CEP192: variants seen among roughly 807,000 people sequenced by gnomAD.
CEP192 encodes the protein centrosomal protein of 192 kDa.
Under a neutral mutation model 271.8 loss-of-function variants are expected in CEP192, and 151 were observed. The ratio of observed to expected loss-of-function variants is 0.56; its 90% CI spans 0.49 to 0.64. CEP192 has a LOEUF of 0.64. CEP192 is among the 30% of genes least tolerant of loss of function. The pLI, the probability that CEP192 is intolerant of heterozygous loss-of-function variation, is 0.00. For synonymous variants in CEP192, 995 were observed against 1,076.5 expected (o/e 0.92, Z 1.48); for missense variants, 2,910 against 3,020.5 (o/e 0.96, Z 0.86).
Position 13,056,593 on chromosome 18 carries a change from A to G in CEP192, c.4003A>G (p.Thr1335Ala). ...TTCCCTCTGTAACCCATATTCTAAT[A>G]CCTTAAATCAGAACCTGCTAAGCAC... ...TSSLCNPYSN[T>A]LNQNLLSTTK... Residue 1335 changes from threonine to alanine, a missense_variant, in exon 19 of 45, where the codon ACC becomes GCC. By Grantham distance (58) the Thr-to-Ala change is moderately conservative. Coordinates refer to ENST00000506447, the MANE Select transcript of CEP192 (RefSeq NM_032142.4). 6.2e-7 allele frequency: 1 copy of G among 1,614,108 alleles called. No individual in the cohort carries two copies. Among genetic ancestry groups the G allele is most frequent in the Non-Finnish European group, 8.5e-7 (1 of 1,179,998 alleles).
chr18:13,100,452 A>G lies in CEP192; in HGVS notation c.6811A>G (p.Lys2271Glu), dbSNP rs3737379. Residue 2271 changes from lysine (K) to glutamate (E), a missense_variant, in exon 38 of 45, where the codon AAA (lysine) becomes GAA (glutamate). Physicochemically the swap from Lys to Glu is moderately conservative, Grantham distance 56 (BLOSUM62 1). Transcript: ENST00000506447. ...VKPMTKPPSTKVEIRNKSITF... is the reference protein window; with the variant it reads ...VKPMTKPPSTEVEIRNKSITF... ...ACCAATGACAAAACCGCCTTCCACA[A>G]AAGTTGAAATAAGAAACAAGAGTAT... is the stretch of plus-strand genomic sequence containing the variant. The G allele has an allele frequency of 0.042, 68,343 of 1,613,832 alleles. 2,229 individuals carry two copies. Among genetic ancestry groups the G allele is most frequent in the East Asian group, 0.18 (8,041 of 44,872 alleles).
intron 9 of CEP192, among the ~76,000 whole-genome samples, chr18:13,029,235 T>C (rs2035477622): frequency 6.6e-6 from 1 of 152,274 alleles, no homozygotes; most frequent in African/African-American, 2.4e-5. Flanking sequence ...ATTTGTAGTA[T>C]AAACTGCCTT....
chr18:13,096,154 A>C (rs2039387817), intron 35 of CEP192, 30 bp from the exon 36 acceptor site: 1 of 1,608,510 alleles, frequency 6.2e-7, no homozygotes, highest in African/African-American at 1.3e-5. Context: ...TGTTAAATGT[A>C]AGTCACATTT....
intron 15 of CEP192, among the ~76,000 whole-genome samples, chr18:13,043,368 G>A (rs1031168407): frequency 1.3e-5 from 2 of 152,040 alleles, no homozygotes; most frequent in Non-Finnish European, 2.9e-5. Flanking sequence ...TGTTGATTAG[G>A]CCATGCTTTC....
intron 30 of CEP192, among the ~76,000 whole-genome samples, chr18:13,078,104 G>A (rs1012817257): frequency 3.3e-5 from 5 of 152,064 alleles, no homozygotes; most frequent in African/African-American, 1.2e-4. Flanking sequence ...CCCCCTGACA[G>A]GCCCCAGTGT....
In CEP192 at chr18:13,018,629, T is replaced by A. The variant is rs2034802329; in HGVS notation, c.925+14T>A. ...TACCTGGGACTAGTAAGTATAGAAA[T>A]ATGATTCTTTTGTTCTTAAGTTCTA... On this transcript the variant is annotated intron_variant, in intron 8 of 44. Coordinates refer to ENST00000506447, the MANE Select transcript of CEP192 (RefSeq NM_032142.4). 6.9e-7 allele frequency: 1 copy of A among 1,454,942 alleles called. No individual in the cohort carries two copies. The highest frequency in any genetic ancestry group is 1.4e-5 in the African/African-American group (1 of 69,012). The allele number at this position is 1,454,942 out of a possible 1,614,324, so 90.1% of individuals were successfully genotyped here.
intron 15 of CEP192, among the ~76,000 whole-genome samples, chr18:13,042,694 A>G (rs929195250): frequency 2.6e-5 from 4 of 152,114 alleles, no homozygotes; most frequent in African/African-American, 7.3e-5. Context: ...TCTAAACTTC[A>G]CTTAAAAGAA....
intron 30 of CEP192, among the ~76,000 whole-genome samples, 186 bp downstream of exon 30, chr18:13,073,371 G>T (rs539742678): frequency 1.3e-5 from 2 of 152,146 alleles, no homozygotes; most frequent in African/African-American, 4.8e-5. Context: ...AGCAGCCAGC[G>T]TAGTATTCCT....
rs980498364 is a variant in CEP192, at chr18:13,013,044, G to A, written c.519+19G>A. The stretch of plus-strand genomic sequence containing the variant: ...ACCCAAGGTAACCTTTTATATATTT[G>A]GTATCATTTTCTGGAGTACTATAGG... On this transcript the variant is annotated intron_variant, in intron 5 of 44. Coordinates refer to ENST00000506447, the MANE Select transcript of CEP192 (RefSeq NM_032142.4). The A allele has an allele frequency of 7.6e-7, 1 of 1,317,476 alleles. No individual in the cohort carries two copies. Among genetic ancestry groups the A allele is most frequent in the Non-Finnish European group, 1.1e-6 (1 of 941,136 alleles). 81.6% of individuals were successfully genotyped at this position (1,317,476 alleles called of 1,614,324 possible). A position where few individuals can be genotyped will look rare whatever the true frequency, so the allele number is the denominator to read the frequency against.
chr18:13,072,909 G>C (rs1265242238), intron 29 of CEP192, 64 bp downstream of exon 29: 4 of 1,534,688 alleles, frequency 2.6e-6, no homozygotes, highest in Non-Finnish European at 3.6e-6. Flanking sequence ...TGCATATGCA[G>C]ACCTTTTTGT....
chr18:12,998,035 T>C (rs1024483929), intron 1 of CEP192, among the ~76,000 whole-genome samples: 2 of 152,190 alleles, frequency 1.3e-5, no homozygotes, highest in Non-Finnish European at 2.9e-5. Flanking sequence ...TCATAATCTC[T>C]TTAGTGGTCA....
At chr18:13,046,332 A>T (rs531093372) in intron 15 of CEP192, among the ~76,000 whole-genome samples, 1 of 152,264 alleles carries the variant, frequency 6.6e-6, no homozygotes, top group South Asian at 2.1e-4. Context: ...CACCTCCAAC[A>T]CTGGGGATTA....
chr18:13,049,740 A>G, intron 16 of CEP192, 25 bp from the exon 17 acceptor site: 1 of 1,605,642 alleles, frequency 6.2e-7, no homozygotes, highest in Non-Finnish European at 8.5e-7. Context: ...TTCTCTTCTT[A>G]CTGGAAAATA....
At chr18:13,031,493 C>T (rs1321375311) in intron 11 of CEP192, among the ~76,000 whole-genome samples, 11 of 152,088 alleles carry the variant, frequency 7.2e-5, no homozygotes, top group East Asian at 3.9e-4. Context: ...GTGATCTGCC[C>T]GCCTCGGCCT....
intron 1 of CEP192, among the ~76,000 whole-genome samples, chr18:12,998,154 G>A (rs908617193): frequency 6.6e-6 from 1 of 152,112 alleles, no homozygotes; most frequent in African/African-American, 2.4e-5. Context: ...TATTACTGAA[G>A]TAGCTCTTTG....
intron 40 of CEP192, among the ~76,000 whole-genome samples, chr18:13,110,153 A>T (rs1030258208): frequency 6.6e-6 from 1 of 152,228 alleles, no homozygotes. Context: ...TAAAATCTAA[A>T]TTTCGTTAAA....
At chr18:13,086,580 C>T (rs189212814) in intron 30 of CEP192, among the ~76,000 whole-genome samples, 1 of 152,290 alleles carries the variant, frequency 6.6e-6, no homozygotes, top group African/African-American at 2.4e-5. Flanking sequence ...AATCACCCGC[C>T]TTCAGTATTG....
In CEP192 at chr18:13,117,656, C is replaced by G; in HGVS notation, c.7475+13C>G. 1 of 1,604,580 alleles carries G rather than the reference C, an allele frequency of 6.2e-7. No individual in the cohort carries two copies. The highest frequency in any genetic ancestry group is 1.7e-4 in the Middle Eastern group (1 of 6,052). On this transcript the variant is annotated intron_variant, in intron 44 of 44. Transcript: ENST00000506447. ...AGTACTCTTTGAGGTAAGTTTATCGCAGATCACAGTGTTCTCATCAGCGAT... is the reference window on the plus strand; with the variant it reads ...AGTACTCTTTGAGGTAAGTTTATCGGAGATCACAGTGTTCTCATCAGCGAT...
chr18:13,102,922 T>A (rs1279501240), intron 38 of CEP192, among the ~76,000 whole-genome samples: 1 of 152,184 alleles, frequency 6.6e-6, no homozygotes, highest in Non-Finnish European at 1.5e-5. Flanking sequence ...GCACATCAGA[T>A]GTGATATGCC....
Sources: gnomAD v4.1 joint callset for allele counts (sites outside exome capture counted in the v4.1 genomes callset) on GRCh38, gnomAD v4.1.1 for gene constraint, MANE v1.5 for transcripts, NCBI Gene and HGNC (gene_info 2026-07-23, HGNC 2026-07-21) for gene names.